POLN: variants seen among roughly 807,000 people sequenced by gnomAD.
The protein encoded by POLN is DNA polymerase nu, also known as DNA polymerase N.
POLN carries 108 observed loss-of-function variants against 113.5 expected under a neutral mutation model. That is an observed-to-expected ratio of 0.95 (90% confidence interval 0.81 to 1.12). The LOEUF is 1.12. Among genes scored for constraint, POLN ranks in the 50% most tolerant of loss-of-function variants. POLN has a pLI of 0.00. For synonymous variants in POLN, 386 were observed against 391.5 expected, an observed-to-expected ratio of 0.99 and a Z score of 0.17; for missense variants, 1,097 against 1,077.1, an observed-to-expected ratio of 1.02 and a Z score of -0.26.
intron 19 of POLN, among the ~76,000 whole-genome samples, chr4:2,106,301 A>C (rs1731064653): frequency 2.0e-5 from 3 of 152,194 alleles, no homozygotes; most frequent in Admixed American, 2.0e-4. Context: ...GAACTGCAAA[A>C]ACTGGCATGA....
rs573964625 is a variant in POLN at position 2,078,269 on chromosome 4, A to G, written c.2387+2689T>C. Reference sequence around the variant, plus strand: ...CCAGAAGAGACAGACAGGACAGCCGAGCCATGGCACAGAGGCCTGTGAACG... The same window carrying G: ...CCAGAAGAGACAGACAGGACAGCCGGGCCATGGCACAGAGGCCTGTGAACG... On this transcript the variant is annotated intron_variant, in intron 23 of 25. Coordinates refer to ENST00000511885, the MANE Select transcript of POLN (RefSeq NM_181808.4). Among the ~76,000 whole-genome samples the G allele has an allele frequency of 6.6e-5, 10 of 152,338 alleles. No homozygotes were observed. The South Asian group carries it at 2.1e-3, about 32-fold the overall frequency.
At chr4:2,169,872 T>A (rs1043335694) in intron 13 of POLN, among the ~76,000 whole-genome samples, 3 of 152,184 alleles carry the variant, frequency 2.0e-5, no homozygotes, top group African/African-American at 7.2e-5. Flanking sequence ...GCATCCTCTG[T>A]GGGAGTCCAT....
chr4:2,088,584 G>T, intron 20 of POLN: 2 of 574,332 alleles, frequency 3.5e-6, no homozygotes, highest in Non-Finnish European at 5.1e-6. Context: ...ATACGCATTA[G>T]CTAATCAACT....
chr4:2,240,129 T>C, intron 2 of POLN: 1 of 1,613,886 alleles, frequency 6.2e-7, no homozygotes, highest in Non-Finnish European at 8.5e-7. Flanking sequence ...TAACTGATGT[T>C]GAGCACAAAT....
intron 5 of POLN, among the ~76,000 whole-genome samples, chr4:2,203,109 G>A (rs150530733): frequency 2.6e-5 from 4 of 152,196 alleles, no homozygotes; most frequent in Non-Finnish European, 4.4e-5. Context: ...CACAAAATGA[G>A]CCTCAATAAA....
chr4:2,135,359 C>G (rs1023798559), intron 16 of POLN, among the ~76,000 whole-genome samples: 5 of 152,214 alleles, frequency 3.3e-5, no homozygotes, highest in Non-Finnish European at 5.9e-5. Flanking sequence ...GAGATATCAG[C>G]CCGTGCCAAG....
chr4:2,092,273 G>A (rs1111172), intron 20 of POLN, among the ~76,000 whole-genome samples: 2,048 of 152,346 alleles, frequency 0.013, 58 homozygotes, highest in African/African-American at 0.047. Context: ...AAGCTTCAGA[G>A]TCAGGGAATC....
At chr4:2,185,732 C>A (rs1733255420) in intron 7 of POLN, among the ~76,000 whole-genome samples, 2 of 137,218 alleles carry the variant, frequency 1.5e-5, no homozygotes, top group Non-Finnish European at 3.0e-5. Context: ...AGTGACAGAG[C>A]GAGACTCCAT....
chr4:2,212,290 C>T (rs1734012623), intron 4 of POLN, among the ~76,000 whole-genome samples: 1 of 152,172 alleles, frequency 6.6e-6, no homozygotes, highest in Admixed American at 6.5e-5. Flanking sequence ...ATTTCCACTA[C>T]CCAAAGTTCC....
chr4:2,198,749 A>T, intron 5 of POLN, 32 bp from the exon 6 acceptor site: 1 of 1,548,014 alleles, frequency 6.5e-7, no homozygotes, highest in Non-Finnish European at 8.8e-7. Context: ...AATTAAACCC[A>T]GACAACATAT....
In POLN at chr4:2,156,578, C is replaced by T; in HGVS notation, c.1731+210G>A. 3 of 645,354 alleles carry T rather than the reference C, an allele frequency of 4.6e-6. No homozygotes were observed. The South Asian group carries it at 4.7e-5, about 10-fold the overall frequency. 40.0% of individuals were successfully genotyped at this position (645,354 alleles called of 1,614,324 possible). ...ATGGGTTTCTGGGTGTGAAGCCCCC[C>T]TCTTGCTAACTCAGCACTTCATGAG... On this transcript the variant is annotated intron_variant, in intron 16 of 25. Coordinates refer to ENST00000511885, the MANE Select transcript of POLN (RefSeq NM_181808.4).
chr4:2,156,023 C>T (rs1464582591), intron 16 of POLN, among the ~76,000 whole-genome samples: 5 of 152,004 alleles, frequency 3.3e-5, no homozygotes, highest in East Asian at 1.9e-4. Context: ...TTAGTAGAGA[C>T]GGGGTTTCAC....
intron 19 of POLN, among the ~76,000 whole-genome samples, chr4:2,110,887 T>C (rs1731176372): frequency 6.6e-6 from 1 of 152,224 alleles, no homozygotes; most frequent in African/African-American, 2.4e-5. Context: ...CTAACTCATT[T>C]TATGAGGCCA....
intron 16 of POLN, among the ~76,000 whole-genome samples, chr4:2,149,180 G>A (rs1732228181): frequency 6.6e-6 from 1 of 152,134 alleles, no homozygotes; most frequent in South Asian, 2.1e-4. Flanking sequence ...TGTAGTCCCA[G>A]CTACTTGGGA....
intron 2 of POLN, among the ~76,000 whole-genome samples, chr4:2,234,065 A>G (rs1337020447): frequency 2.6e-5 from 4 of 152,174 alleles, no homozygotes; most frequent in African/African-American, 9.6e-5. Context: ...AAGAAAAAAA[A>G]GAAGACTATC....
intron 6 of POLN, among the ~76,000 whole-genome samples, chr4:2,196,538 A>G (rs965571378): frequency 2.0e-5 from 3 of 152,074 alleles, no homozygotes; most frequent in African/African-American, 7.2e-5. Context: ...CCTGATCCCA[A>G]CAAGTCAACT....
rs372448646 is a variant in POLN, at chr4:2,127,043, C to T, written c.1982+1070G>A. 1.2e-3 allele frequency among the ~76,000 whole-genome samples: 188 copies of T among 152,154 alleles called. No individual in the cohort carries two copies. The highest frequency in any genetic ancestry group is 4.3e-3 in the African/African-American group (180 of 41,490). On this transcript the variant is annotated intron_variant, in intron 19 of 25. Transcript: ENST00000511885. This position sits in a 1 kb window ranked among gnomAD's most constrained non-coding sequence, Gnocchi z 4.7. ...TTCTCCGATCCCCATGATCTGCTTC[C>T]TCATCTCCCACCCCCAGGTGCTGGG...
intron 11 of POLN, among the ~76,000 whole-genome samples, chr4:2,173,084 C>A (rs774793374): frequency 7.2e-5 from 11 of 152,100 alleles, no homozygotes; most frequent in African/African-American, 1.2e-4. Context: ...ATTGCTTAGG[C>A]TTTGAAGTGG....
intron 19 of POLN, among the ~76,000 whole-genome samples, chr4:2,113,144 C>A (rs1357103938): frequency 2.0e-5 from 3 of 148,148 alleles, no homozygotes; most frequent in Admixed American, 6.9e-5. Flanking sequence ...GGACAAAAAA[C>A]CAAACACTGC....
Sources: allele counts gnomAD v4.1 joint callset (sites outside exome capture counted in the v4.1 genomes callset), GRCh38; gene constraint gnomAD v4.1.1; non-coding constraint Gnocchi (gnomAD v3.1); transcripts MANE v1.5; gene names NCBI Gene and HGNC (gene_info 2026-07-23, HGNC 2026-07-21).